The following ANAPC1 variants were observed in gnomAD, a reference collection of about 807,000 sequenced individuals.
ANAPC1 encodes anaphase promoting complex subunit 1.
In ANAPC1, 36 loss-of-function variants were observed where a neutral mutation model predicts 208.0. The ratio of observed to expected loss-of-function variants is 0.17; its 90% CI spans 0.13 to 0.23. The LOEUF (loss-of-function observed/expected upper bound fraction) is 0.23. Among genes scored for constraint, ANAPC1 ranks in the 10% least tolerant of loss-of-function variants. The probability of loss-of-function intolerance (pLI) is 1.00; values close to 1 mark genes in which losing one functional copy is unlikely to be tolerated. For synonymous variants in ANAPC1, 378 were observed against 695.2 expected, an observed-to-expected ratio of 0.54 and a Z score of 7.18; for missense variants, 942 against 2,011.6, an observed-to-expected ratio of 0.47 and a Z score of 10.17.
chr2:111,835,365 C>T (rs1281173456), intron 18 of ANAPC1, among the ~76,000 whole-genome samples: 1 of 152,188 alleles, frequency 6.6e-6, no homozygotes, highest in Non-Finnish European at 1.5e-5. Flanking sequence ...GATTGGACTA[C>T]ATTTTCCAAA....
In ANAPC1 at chr2:111,843,448, C is replaced by T. The variant is rs772798021; in HGVS notation, c.2004G>A (p.Met668Ile). 3 of 1,611,784 alleles carry T rather than the reference C, an allele frequency of 1.9e-6. No individual in the cohort carries two copies. The highest frequency in any genetic ancestry group is 1.3e-5 in the African/African-American group (1 of 74,808). Residue 668 changes from methionine (M) to isoleucine (I), a missense_variant, in exon 17 of 48, where the codon ATG becomes ATA. Coordinates refer to ENST00000341068, the MANE Select transcript of ANAPC1 (RefSeq NM_022662.4). ...NLFVTCLMNMMGYNTDRLAWT... is the reference protein window; with the variant it reads ...NLFVTCLMNMIGYNTDRLAWT... The stretch of plus-strand genomic sequence containing the variant: ...ATGCTAAGCGGTCTGTGTTATAACC[C>T]ATCATGTTCATGAGACAAGTCACAA...
At chr2:111,832,832 G>A (rs1680225159) in intron 20 of ANAPC1, among the ~76,000 whole-genome samples, 1 of 151,078 alleles carries the variant, frequency 6.6e-6, no homozygotes, top group Admixed American at 6.7e-5. Flanking sequence ...CAGGAGGCCA[G>A]GAGGCTGAGG....
chr2:111,851,447 T>C (rs190525858), intron 13 of ANAPC1, among the ~76,000 whole-genome samples: 16 of 152,204 alleles, frequency 1.1e-4, no homozygotes, highest in African/African-American at 2.9e-4. Flanking sequence ...GGAATGTTAA[T>C]ATAGTCAACA....
In ANAPC1 at chr2:111,847,861, A is replaced by T; in HGVS notation, c.1655T>A (p.Val552Asp). The change falls in exon 15 of 48, where the codon GTT becomes GAT. Residue 552 changes from valine to aspartate, a missense_variant. Transcript: ENST00000341068. ...SKLLGSLDEV[V>D]LLSPVPELRD... ...CAGTTCTGGAACTGGGGACAACAGAACAACCTGTAAAAAGTTGTAAATACG... is the reference window on the plus strand; with the variant it reads ...CAGTTCTGGAACTGGGGACAACAGATCAACCTGTAAAAAGTTGTAAATACG... 6 of 1,574,704 alleles carry T rather than the reference A, an allele frequency of 3.8e-6. No individual in the cohort carries two copies. Among genetic ancestry groups the T allele is most frequent in the Non-Finnish European group, 5.2e-6 (6 of 1,164,868 alleles).
intron 43 of ANAPC1, among the ~76,000 whole-genome samples, chr2:111,781,265 CTT>C (rs1385561400): frequency 2.7e-5 from 4 of 148,982 alleles, no homozygotes; most frequent in Admixed American, 2.0e-4. Flanking sequence ...CAAGTCTAAA[CTT>C]ATCTATTTTC....
chr2:111,822,895 A>G (rs1187702308), intron 24 of ANAPC1, among the ~76,000 whole-genome samples: 1 of 152,106 alleles, frequency 6.6e-6, no homozygotes, highest in Admixed American at 6.5e-5. Context: ...CTACCTAATT[A>G]GGGATCAGGA....
chr2:111,842,769 G>A (rs1680839304), intron 17 of ANAPC1, among the ~76,000 whole-genome samples: 2 of 151,962 alleles, frequency 1.3e-5, no homozygotes, highest in African/African-American at 4.8e-5. Flanking sequence ...CCCAGGCAAA[G>A]TTGTCCTGGG....
intron 9 of ANAPC1, among the ~76,000 whole-genome samples, chr2:111,862,851 T>C (rs1176025072): frequency 1.3e-5 from 2 of 152,154 alleles, no homozygotes; most frequent in Admixed American, 6.6e-5. Context: ...GATCATCTTC[T>C]TTTTCGGAAA....
At chr2:111,798,314 T>C (rs1431470598) in intron 34 of ANAPC1, among the ~76,000 whole-genome samples, 1 of 152,226 alleles carries the variant, frequency 6.6e-6, no homozygotes, top group Non-Finnish European at 1.5e-5. Context: ...TTTACCGTGC[T>C]TGAACTACAA....
chr2:111,880,492 C>A (rs1294078151), intron 2 of ANAPC1, 121 bp downstream of exon 2: 1 of 1,453,704 alleles, frequency 6.9e-7, no homozygotes. Flanking sequence ...AATTACCACA[C>A]CTTAACTCTA....
At chr2:111,789,124 C>T (rs1193404023) in intron 38 of ANAPC1, among the ~76,000 whole-genome samples, 3 of 151,840 alleles carry the variant, frequency 2.0e-5, no homozygotes, top group Admixed American at 6.6e-5. Context: ...GGCGAAAGAG[C>T]GAGACTCCTT....
chr2:111,873,211 T>C (rs1468774765), intron 5 of ANAPC1, 97 bp downstream of exon 5: 12 of 1,155,796 alleles, frequency 1.0e-5, no homozygotes, highest in Non-Finnish European at 1.4e-5. Context: ...CATTTTTGAC[T>C]ACTACGAAAC....
intron 6 of ANAPC1, among the ~76,000 whole-genome samples, chr2:111,871,889 T>C (rs1407428300): frequency 2.0e-5 from 3 of 152,222 alleles, no homozygotes; most frequent in African/African-American, 4.8e-5. Flanking sequence ...AGGGGTCTTT[T>C]GGAGGAGTCT....
chr2:111,856,127 C>T (rs574165782), intron 13 of ANAPC1, among the ~76,000 whole-genome samples: 184 of 152,142 alleles, frequency 1.2e-3, no homozygotes, highest in African/African-American at 3.6e-3. Flanking sequence ...CCCAGCTACT[C>T]GGGAGGCTGA....
rs1012161967 is a variant in ANAPC1 at position 111,850,715 on chromosome 2, T to C, written c.1650+61A>G. 14 of 1,585,268 alleles carry C rather than the reference T, an allele frequency of 8.8e-6. No individual in the cohort carries two copies. The African/African-American group carries it at 1.6e-4, about 19-fold the overall frequency. The stretch of plus-strand genomic sequence containing the variant: ...TTAAGTTAACCATGGAAAGAACTAA[T>C]GTTTAACCAAACTTCTTTAAAAAAT... On this transcript the variant is annotated intron_variant, in intron 14 of 47. Coordinates refer to ENST00000341068, the MANE Select transcript of ANAPC1 (RefSeq NM_022662.4).
chr2:111,855,849 TTCA>T (rs776945067), intron 13 of ANAPC1, among the ~76,000 whole-genome samples: 2 of 152,180 alleles, frequency 1.3e-5, no homozygotes, highest in East Asian at 1.9e-4. Flanking sequence ...GAATATTCAC[TTCA>T]TTATTATTAT....
chr2:111,870,858 C>T (rs1194086913), intron 6 of ANAPC1, among the ~76,000 whole-genome samples: 2 of 152,074 alleles, frequency 1.3e-5, no homozygotes, highest in Admixed American at 1.3e-4. Context: ...CTTGAACTGA[C>T]TTTTGTATAA....
At chr2:111,852,039 G>C (rs1179115771) in intron 13 of ANAPC1, among the ~76,000 whole-genome samples, 5 of 151,058 alleles carry the variant, frequency 3.3e-5, no homozygotes, top group Non-Finnish European at 7.4e-5. Context: ...AAAATCCTTA[G>C]GCTTAAAAAA....
At chr2:111,790,125 A>G (rs1177877683) in intron 38 of ANAPC1, among the ~76,000 whole-genome samples, 1 of 152,246 alleles carries the variant, frequency 6.6e-6, no homozygotes, top group African/African-American at 2.4e-5. Context: ...CACTGTAGCC[A>G]TTGATCAAGG....
Sources: gnomAD v4.1 joint callset for allele counts (sites outside exome capture counted in the v4.1 genomes callset) on GRCh38, gnomAD v4.1.1 for gene constraint, MANE v1.5 for transcripts, NCBI Gene and HGNC (gene_info 2026-07-23, HGNC 2026-07-21) for gene names.